SPICE1: variants seen among roughly 807,000 people sequenced by gnomAD.
SPICE1 encodes the protein spindle and centriole associated protein 1, also known as spindle and centriole-associated protein 1.
Under a neutral mutation model 102.7 loss-of-function variants are expected in SPICE1, and 75 were observed. That is an observed-to-expected ratio of 0.73 (90% CI 0.61 to 0.88). The LOEUF (loss-of-function observed/expected upper bound fraction) is 0.88, where lower values mean the gene tolerates loss of function less well. SPICE1 is among the 40% of genes least tolerant of loss of function. SPICE1 has a pLI of 0.00. For missense variants in SPICE1, 979 were observed against 1,020.1 expected, an observed-to-expected ratio of 0.96 and a Z score of 0.55; for synonymous variants, 308 against 350.3, an observed-to-expected ratio of 0.88 and a Z score of 1.35.
intron 7 of SPICE1, among the ~76,000 whole-genome samples, chr3:113,475,806 T>C (rs1029375374): frequency 6.6e-6 from 1 of 152,206 alleles, no homozygotes; most frequent in Non-Finnish European, 1.5e-5. Flanking sequence ...GAGCTGTCTA[T>C]GACAAACCCA....
chr3:113,479,419 A>G lies in SPICE1; in HGVS notation c.611+9526T>C, dbSNP rs200665966. Among the ~76,000 whole-genome samples, 5 of 151,956 alleles carry G rather than the reference A, an allele frequency of 3.3e-5. No individual in the cohort carries two copies. The East Asian group carries it at 9.6e-4, about 29-fold the overall frequency. On this transcript the variant is annotated intron_variant, in intron 7 of 17. Transcript: ENST00000295872. ...GTTCCAAGTCTTTGCTATTGTGAAT[A>G]GTGCCGCAATAAACATACGTGTGCA...
intron 15 of SPICE1, 97 bp from the exon 16 acceptor site, chr3:113,448,237 G>T: frequency 4.5e-6 from 5 of 1,108,720 alleles, no homozygotes; most frequent in South Asian, 3.9e-5. Flanking sequence ...TTAAAAATTT[G>T]GTGGTTCTTT....
chr3:113,477,871 G>GCA (rs1271010201), intron 7 of SPICE1, among the ~76,000 whole-genome samples: 6 of 151,124 alleles, frequency 4.0e-5, no homozygotes, highest in Admixed American at 3.3e-4. Flanking sequence ...CACCAGCATG[G>GCA]CACATGTATA....
chr3:113,511,021 A>T (rs1937210395), intron 1 of SPICE1, among the ~76,000 whole-genome samples: 1 of 152,210 alleles, frequency 6.6e-6, no homozygotes, highest in Non-Finnish European at 1.5e-5. Context: ...AGTCAACATC[A>T]CTGATCGTTA....
At position 113,446,083 on chromosome 3, in the gene SPICE1, G is replaced by A. The variant is rs1413645014; in HGVS notation, c.2514+506C>T. Among the ~76,000 whole-genome samples, 3 of 152,188 alleles carry A rather than the reference G, an allele frequency of 2.0e-5. No individual in the cohort carries two copies. In the South Asian group the frequency reaches 6.2e-4, roughly 32 times the overall value. On this transcript the variant is annotated intron_variant, in intron 17 of 17. Coordinates refer to ENST00000295872, the MANE Select transcript of SPICE1 (RefSeq NM_144718.4). Reference sequence around the variant, plus strand: ...TGCTTAGCTTCTATACATACCTATGGCACATCAAAATACATGAAGAACACA... The same window carrying A: ...TGCTTAGCTTCTATACATACCTATGACACATCAAAATACATGAAGAACACA...
rs1219516001 is a variant in SPICE1, at chr3:113,515,138, G to A, written c.-242C>T. The A allele has an allele frequency of 5.8e-6, 1 of 173,372 alleles. No individual in the cohort carries two copies. The highest frequency in any genetic ancestry group is 1.2e-5 in the Non-Finnish European group (1 of 80,964). 10.7% of individuals were successfully genotyped at this position (173,372 alleles called of 1,614,324 possible). On this transcript the variant is annotated 5_prime_UTR_variant, in exon 1 of 18. Transcript: ENST00000295872. ...AGCTAAAACTTCAGGCGCCGGAACC[G>A]CGGAGCGCGCCACAGGTTAACCCAG...
chr3:113,495,224 C>T (rs1047843366), intron 4 of SPICE1, among the ~76,000 whole-genome samples: 2 of 152,162 alleles, frequency 1.3e-5, no homozygotes, highest in Admixed American at 6.5e-5. Flanking sequence ...ATGGCATTCT[C>T]AAGTTAAAAA....
chr3:113,507,482 AC>A (rs1211739658), intron 1 of SPICE1, among the ~76,000 whole-genome samples: 3 of 151,912 alleles, frequency 2.0e-5, no homozygotes, highest in East Asian at 1.9e-4. Context: ...TTCCTTAAGT[AC>A]TTTTTTTTAA....
At chr3:113,495,200 G>A (rs1365241758) in intron 4 of SPICE1, among the ~76,000 whole-genome samples, 6 of 152,044 alleles carry the variant, frequency 3.9e-5, no homozygotes, top group Non-Finnish European at 7.4e-5. Context: ...TAATTCTCTC[G>A]GCACCACCAC....
chr3:113,512,810 C>A (rs1937247177), intron 1 of SPICE1, among the ~76,000 whole-genome samples: 1 of 152,162 alleles, frequency 6.6e-6, no homozygotes, highest in African/African-American at 2.4e-5. Flanking sequence ...TCTCATTCTT[C>A]TTGTCTTTCC....
intron 16 of SPICE1, among the ~76,000 whole-genome samples, chr3:113,447,596 A>G (rs1935547365): frequency 6.6e-6 from 1 of 152,218 alleles, no homozygotes; most frequent in African/African-American, 2.4e-5. Flanking sequence ...AGCACAGTAC[A>G]ATAGTAAGGA....
chr3:113,510,437 G>A (rs1435430042), intron 1 of SPICE1, among the ~76,000 whole-genome samples: 1 of 152,092 alleles, frequency 6.6e-6, no homozygotes, highest in Non-Finnish European at 1.5e-5. Context: ...TAGACCAACG[G>A]AACAGAATGG....
Position 113,514,927 on chromosome 3 carries a change from C to G in SPICE1, c.-31G>C. The G allele has an allele frequency of 8.9e-7, 1 of 1,120,996 alleles. No homozygotes were observed. The highest frequency in any genetic ancestry group is 1.1e-6 in the Non-Finnish European group (1 of 887,240). 69.4% of individuals were successfully genotyped at this position (1,120,996 alleles called of 1,614,324 possible). ...CTCTCAAAACACAGAGCCGCGGCTG[C>G]GCTTCCTGAAGTAAGGATTCCCCAA... On this transcript the variant is annotated 5_prime_UTR_variant, in exon 1 of 18. Transcript: ENST00000295872.
At chr3:113,479,632 C>G (rs1936445090) in intron 7 of SPICE1, among the ~76,000 whole-genome samples, 1 of 152,100 alleles carries the variant, frequency 6.6e-6, no homozygotes, top group Admixed American at 6.6e-5. Flanking sequence ...TCCTCTCCAG[C>G]ACCTGTTGTT....
rs371411277 is a variant in SPICE1, at chr3:113,479,715, A to G, written c.611+9230T>C. On this transcript the variant is annotated intron_variant, in intron 7 of 17. Coordinates refer to ENST00000295872, the MANE Select transcript of SPICE1 (RefSeq NM_144718.4). Reference sequence around the variant, plus strand: ...AAATTACCTCATTCCTAAAGTAACAAAACACTACATACCAGAATGTATGGT... The same window carrying G: ...AAATTACCTCATTCCTAAAGTAACAGAACACTACATACCAGAATGTATGGT... 2.9e-4 allele frequency among the ~76,000 whole-genome samples: 44 copies of G among 152,338 alleles called. 1 individual carries two copies. The South Asian group carries it at 8.5e-3, about 29-fold the overall frequency.
intron 1 of SPICE1, among the ~76,000 whole-genome samples, chr3:113,513,526 T>C (rs1937259760): frequency 1.3e-5 from 2 of 152,204 alleles, no homozygotes; most frequent in South Asian, 2.1e-4. Flanking sequence ...CTCATCATCA[T>C]ACCCCAAATC....
At chr3:113,466,445 A>C (rs1936058550) in intron 10 of SPICE1, among the ~76,000 whole-genome samples, 1 of 151,950 alleles carries the variant, frequency 6.6e-6, no homozygotes, top group African/African-American at 2.4e-5. Context: ...CCCCGTCTCT[A>C]CTAAAAATAC....
Position 113,446,596 on chromosome 3 carries a change from C to G in SPICE1, c.2507G>C (p.Arg836Thr). 3 of 1,613,034 alleles carry G rather than the reference C, an allele frequency of 1.9e-6. No individual in the cohort carries two copies. In the South Asian group the frequency reaches 3.3e-5, roughly 18 times the overall value. The change falls in exon 17 of 18, where the codon AGA (arginine) becomes ACA (threonine). Residue 836 changes from arginine to threonine, a missense_variant. By Grantham distance (71) the Arg-to-Thr change is moderately conservative (BLOSUM62 -1). Coordinates refer to ENST00000295872, the MANE Select transcript of SPICE1 (RefSeq NM_144718.4). Reference protein sequence around the residue: ...GSGRFTPLNPRAKIEKQNEEG... With the variant: ...GSGRFTPLNPTAKIEKQNEEG... The stretch of plus-strand genomic sequence containing the variant: ...TTACATTTTAACGTGTACCTTTGCT[C>G]TTGGATTAAGAGGTGTGAATCTCCC...
chr3:113,460,488 G>A (rs772319183), intron 12 of SPICE1, 129 bp downstream of exon 12: 3 of 1,426,408 alleles, frequency 2.1e-6, no homozygotes, highest in Non-Finnish European at 2.8e-6. Flanking sequence ...GGCAACTGTA[G>A]TAGTGACAAT....
Sources: gnomAD v4.1 joint callset for allele counts (sites outside exome capture counted in the v4.1 genomes callset) on GRCh38, gnomAD v4.1.1 for gene constraint, MANE v1.5 for transcripts, NCBI Gene and HGNC (gene_info 2026-07-23, HGNC 2026-07-21) for gene names.